Variants in AUTS2 observed in about 807,000 individuals in gnomAD.
The protein encoded by AUTS2 is autism susceptibility gene 2 protein.
Under a neutral mutation model 112.4 loss-of-function variants are expected in AUTS2, and 17 were observed. That is an observed-to-expected ratio of 0.15 (90% CI 0.10 to 0.23). The LOEUF (loss-of-function observed/expected upper bound fraction) is 0.23. AUTS2 is among the 10% of genes least tolerant of loss of function. The pLI is 1.00. For missense variants in AUTS2, 1,510 were observed against 1,701.6 expected (o/e 0.89, Z 1.98); for synonymous variants, 751 against 702.7 (o/e 1.07, Z -1.09).
At chr7:69,787,227 G>C (rs1789417553) in intron 1 of AUTS2, among the ~76,000 whole-genome samples, 2 of 152,184 alleles carry the variant, frequency 1.3e-5, no homozygotes, top group Non-Finnish European at 1.5e-5. Flanking sequence ...CCAGACCCAA[G>C]TTTGACTGGT....
chr7:70,781,341 G>A (rs1356433039), intron 14 of AUTS2: 2 of 255,632 alleles, frequency 7.8e-6, no homozygotes, highest in African/African-American at 5.1e-5. Flanking sequence ...AGCCTGGAAA[G>A]CAGAGTGAGG....
chr7:70,693,617 T>C (rs1247268434), intron 5 of AUTS2, among the ~76,000 whole-genome samples: 1 of 152,268 alleles, frequency 6.6e-6, no homozygotes. Context: ...GCAATGATTA[T>C]TTTGTATTGA....
intron 4 of AUTS2, among the ~76,000 whole-genome samples, chr7:70,413,825 C>T (rs1794879241): frequency 6.6e-6 from 1 of 152,072 alleles, no homozygotes; most frequent in Non-Finnish European, 1.5e-5. Flanking sequence ...CAGGTATATA[C>T]CACCATGCCC....
In AUTS2 at chr7:69,599,960, G is replaced by A. The variant is rs1272572311; in HGVS notation, c.307G>A (p.Glu103Lys). 4 of 1,613,046 alleles carry A rather than the reference G, an allele frequency of 2.5e-6. No individual in the cohort carries two copies. The highest frequency in any genetic ancestry group is 1.3e-5 in the African/African-American group (1 of 74,864). Residue 103 changes from glutamate (E) to lysine (K), a missense_variant and splice_region_variant, in exon 1 of 19, where the codon GAG becomes AAG. Around this residue, in one of 3 missense-constraint regions of AUTS2, gnomAD observed 535 missense variants for 594.3 expected, o/e 0.90. Coordinates refer to ENST00000342771, the MANE Select transcript of AUTS2 (RefSeq NM_015570.4). The surrounding 1 kb of genome is among the most constrained non-coding windows in gnomAD (Gnocchi z 7.0). ...MTSFVTFEALEKDVALKPQER... is the reference protein window; with the variant it reads ...MTSFVTFEALKKDVALKPQER... ...CAGCTTTGTCACTTTTGAAGCGCTG[G>A]AGGTAAGGGGGACCCCCCTTCCCCC...
chr7:70,363,715 A>G (rs1395705840), intron 4 of AUTS2, among the ~76,000 whole-genome samples: 1 of 152,144 alleles, frequency 6.6e-6, no homozygotes, highest in African/African-American at 2.4e-5. Flanking sequence ...TCCATACTCT[A>G]TTCTTTTATG....
chr7:69,933,885 A>G (rs1342414807), intron 2 of AUTS2, among the ~76,000 whole-genome samples: 2 of 152,204 alleles, frequency 1.3e-5, no homozygotes, highest in Non-Finnish European at 2.9e-5. Flanking sequence ...GTGAATACAC[A>G]TAGGATGACA....
chr7:69,989,132 A>T (rs1798634862), intron 2 of AUTS2, among the ~76,000 whole-genome samples: 1 of 152,222 alleles, frequency 6.6e-6, no homozygotes, highest in Non-Finnish European at 1.5e-5. Context: ...AATCTGTACC[A>T]TGTAATTTGT....
chr7:70,316,677 G>T (rs1323996463), intron 4 of AUTS2, among the ~76,000 whole-genome samples: 1 of 152,134 alleles, frequency 6.6e-6, no homozygotes, highest in Non-Finnish European at 1.5e-5. Flanking sequence ...TGGATTACAG[G>T]TGTGAGCCAC....
chr7:70,145,362 A>G (rs1041995714), intron 4 of AUTS2, among the ~76,000 whole-genome samples: 2 of 152,132 alleles, frequency 1.3e-5, no homozygotes, highest in Non-Finnish European at 2.9e-5. Flanking sequence ...TGTGGAAACC[A>G]TTGTTCTGTT....
At chr7:69,610,391 C>T (rs562771526) in intron 1 of AUTS2, among the ~76,000 whole-genome samples, 12 of 152,254 alleles carry the variant, frequency 7.9e-5, no homozygotes, top group South Asian at 2.1e-4. Flanking sequence ...TGGTGTAAAT[C>T]GAATTTTTGT....
At chr7:69,811,037 T>C (rs902137349) in intron 1 of AUTS2, among the ~76,000 whole-genome samples, 7 of 152,196 alleles carry the variant, frequency 4.6e-5, no homozygotes, top group Admixed American at 3.3e-4. Flanking sequence ...GTGTCTCTAA[T>C]CTTTGCCCTC....
intron 1 of AUTS2, among the ~76,000 whole-genome samples, chr7:69,843,370 G>C (rs1050406452): frequency 1.3e-5 from 2 of 152,024 alleles, no homozygotes; most frequent in African/African-American, 4.8e-5. Flanking sequence ...GGTTGCATAG[G>C]GGCTTGTTCT....
intron 5 of AUTS2, among the ~76,000 whole-genome samples, chr7:70,598,113 G>T (rs886343768): frequency 6.6e-6 from 1 of 152,192 alleles, no homozygotes; most frequent in African/African-American, 2.4e-5. Flanking sequence ...TTTGCTGTAT[G>T]TGTGCCTCCC....
chr7:70,452,216 G>A (rs183355182), intron 5 of AUTS2, among the ~76,000 whole-genome samples: 37 of 152,228 alleles, frequency 2.4e-4, no homozygotes, highest in Admixed American at 4.6e-4. Context: ...CAGGCACTGT[G>A]ACTCACACCT....
chr7:70,160,088 AT>A, intron 4 of AUTS2, among the ~76,000 whole-genome samples: 1 of 152,150 alleles, frequency 6.6e-6, no homozygotes, highest in Admixed American at 6.5e-5. Flanking sequence ...ATCAAAGACT[AT>A]TCTTTTACAT....
At chr7:70,743,485 A>C (rs976175756) in intron 6 of AUTS2, among the ~76,000 whole-genome samples, 1 of 151,706 alleles carries the variant, frequency 6.6e-6, no homozygotes, top group Non-Finnish European at 1.5e-5. Context: ...AAAAAAAAAA[A>C]AAAAAAAACT....
At chr7:70,052,430 T>G (rs1801797493) in intron 2 of AUTS2, among the ~76,000 whole-genome samples, 1 of 152,290 alleles carries the variant, frequency 6.6e-6, no homozygotes, top group South Asian at 2.1e-4. Context: ...TTGTATCCAT[T>G]TTAGAATTGA....
At position 70,762,606 on chromosome 7, in the gene AUTS2, T is replaced by A. The variant is rs1024613099; in HGVS notation, c.743-264T>A. Among the ~76,000 whole-genome samples the A allele has an allele frequency of 2.0e-5, 3 of 152,164 alleles. No individual in the cohort carries two copies. The East Asian group carries it at 5.8e-4, about 29-fold the overall frequency. On this transcript the variant is annotated intron_variant, in intron 6 of 18. Coordinates refer to ENST00000342771, the MANE Select transcript of AUTS2 (RefSeq NM_015570.4). ...TTGAATGCAGTCTCCTCTGGCCAGT[T>A]GGCCTTTCTCTCCCTTCCCACACCC... is the stretch of plus-strand genomic sequence containing the variant.
chr7:69,646,828 T>A (rs1795041956), intron 1 of AUTS2, among the ~76,000 whole-genome samples: 1 of 152,210 alleles, frequency 6.6e-6, no homozygotes, highest in African/African-American at 2.4e-5. Context: ...GGCTCACGCC[T>A]GTAATCCCAG....
Sources: allele counts gnomAD v4.1 joint callset (sites outside exome capture counted in the v4.1 genomes callset), GRCh38; gene constraint gnomAD v4.1.1; regional missense constraint gnomAD v4.1.1; non-coding constraint Gnocchi (gnomAD v3.1); transcripts MANE v1.5; gene names NCBI Gene and HGNC (gene_info 2026-07-23, HGNC 2026-07-21).